URB2: variants seen among roughly 807,000 people sequenced by gnomAD.
URB2 encodes URB2 ribosome biogenesis homolog.
In URB2, 86 loss-of-function variants were observed where a neutral mutation model predicts 120.9. The ratio of observed to expected loss-of-function variants is 0.71; its 90% CI spans 0.60 to 0.85. The LOEUF is 0.85. Among genes scored for constraint, URB2 ranks in the 40% least tolerant of loss-of-function variants. The probability of loss-of-function intolerance (pLI) is 0.00; values close to 1 mark genes in which losing one functional copy is unlikely to be tolerated. For synonymous variants in URB2, 755 were observed against 758.4 expected, an observed-to-expected ratio of 1.00 and a Z score of 0.07; for missense variants, 1,765 against 1,836.5, an observed-to-expected ratio of 0.96 and a Z score of 0.71.
rs775325361 is a variant in URB2 at position 229,659,168 on chromosome 1, C to T, written c.4446C>T (p.Ile1482=). The T allele has an allele frequency of 3.7e-6, 6 of 1,613,178 alleles. No homozygotes were observed. Among genetic ancestry groups the T allele is most frequent in the East Asian group, 2.2e-5 (1 of 44,890 alleles). Residue 1482 remains isoleucine, a synonymous_variant, in exon 10 of 10, where the codon ATC becomes ATT. Coordinates refer to ENST00000258243, the MANE Select transcript of URB2 (RefSeq NM_014777.4). The part of the protein sequence containing the change: ...EGIYLILDLC[I]EPDVQFLRAS... The stretch of plus-strand genomic sequence containing the variant: ...TTTACCTCATCCTGGACCTCTGCAT[C>T]GAGCCTGACGTCCAGTTCCTGCGGG...
At chr1:229,649,365 T>C (rs892223535) in intron 7 of URB2, among the ~76,000 whole-genome samples, 4 of 152,228 alleles carry the variant, frequency 2.6e-5, no homozygotes, top group African/African-American at 9.6e-5. Context: ...TAGATTTGTA[T>C]GTAACTGTAC....
intron 7 of URB2, among the ~76,000 whole-genome samples, chr1:229,648,873 T>C (rs1268652179): frequency 1.3e-5 from 2 of 152,202 alleles, no homozygotes; most frequent in Non-Finnish European, 2.9e-5. Flanking sequence ...ACACCATAGA[T>C]CGTATAATAC....
chr1:229,630,982 CAAAAAAAAAAAAAAA>C (rs57940336), intron 2 of URB2, among the ~76,000 whole-genome samples: 1 of 65,108 alleles, frequency 1.5e-5, no homozygotes, highest in African/African-American at 6.1e-5. Flanking sequence ...AACTCCGTCT[CAAAAAAAAAAAAAAA>C]AAAAAAAAGA....
rs779751111 is a variant in URB2, at chr1:229,637,891, T to C, written c.3278T>C (p.Leu1093Pro). The C allele has an allele frequency of 6.2e-7, 1 of 1,602,058 alleles. No individual in the cohort carries two copies. The part of the protein sequence containing the change: ...ALSELLQQVV[L>P]QTGAVLQLCS... ...TCTGAGCTGCTGCAGCAGGTTGTGCTGCAGACAGGAGCTGTGCTGCAGCTC... is the reference window on the plus strand; with the variant it reads ...TCTGAGCTGCTGCAGCAGGTTGTGCCGCAGACAGGAGCTGTGCTGCAGCTC... The change falls in exon 4 of 10, where the codon CTG (leucine) becomes CCG (proline). Residue 1093 changes from leucine (L) to proline (P), a missense_variant. Physicochemically the swap from Leu to Pro is moderately conservative, Grantham distance 98 (BLOSUM62 -3). Coordinates refer to ENST00000258243, the MANE Select transcript of URB2 (RefSeq NM_014777.4).
chr1:229,645,826 C>G (rs1249226890), intron 5 of URB2, 33 bp from the exon 6 acceptor site: 1 of 1,584,926 alleles, frequency 6.3e-7, no homozygotes. Flanking sequence ...AACACGCTAT[C>G]TCTGCCGCTA....
At chr1:229,628,860 G>A (rs187310271) in intron 2 of URB2, among the ~76,000 whole-genome samples, 34 of 152,320 alleles carry the variant, frequency 2.2e-4, no homozygotes, top group Non-Finnish European at 3.5e-4. Flanking sequence ...CTTCCAAGAT[G>A]GATGACATAT....
chr1:229,628,959 C>T (rs1006482240), intron 2 of URB2, among the ~76,000 whole-genome samples: 11 of 152,224 alleles, frequency 7.2e-5, no homozygotes, highest in Admixed American at 3.3e-4. Flanking sequence ...ATCTTGGCAG[C>T]GTGGCCATCA....
intron 3 of URB2, among the ~76,000 whole-genome samples, chr1:229,633,967 GACT>G (rs1201236930): frequency 6.6e-6 from 1 of 151,942 alleles, no homozygotes; most frequent in Non-Finnish European, 1.5e-5. Flanking sequence ...GAGTAGCTGG[GACT>G]ACAGGTGTGC....
rs1242271844 is a variant in URB2, at chr1:229,635,677, C to G, written c.1064C>G (p.Thr355Arg). ...SKALSTSDWT[T>R]ELLVVEQLLN... is the part of the protein sequence containing the mutation. Reference sequence around the variant, plus strand: ...GCCCTGTCCACATCAGATTGGACCACAGAGCTTTTGGTTGTGGAACAGCTA... The same window carrying G: ...GCCCTGTCCACATCAGATTGGACCAGAGAGCTTTTGGTTGTGGAACAGCTA... Residue 355 changes from threonine (T) to arginine (R), a missense_variant, in exon 4 of 10, where the codon ACA becomes AGA. Coordinates refer to ENST00000258243, the MANE Select transcript of URB2 (RefSeq NM_014777.4). 2.5e-6 allele frequency: 4 copies of G among 1,614,066 alleles called. No individual in the cohort carries two copies. Among genetic ancestry groups the G allele is most frequent in the Non-Finnish European group, 3.4e-6 (4 of 1,180,046 alleles).
chr1:229,659,197 C>T lies in URB2; in HGVS notation c.4475C>T (p.Ser1492Leu), dbSNP rs143520079. ...CCTGACGTCCAGTTCCTGCGGGCCT[C>T]GCTGCAGCCGGGAATGAGAGACATC... ...IEPDVQFLRA[S>L]LQPGMRDIFK... Residue 1492 changes from serine (S) to leucine (L), a missense_variant, in exon 10 of 10, where the codon TCG (serine) becomes TTG (leucine). By Grantham distance (145) the Ser-to-Leu change is moderately radical. Transcript: ENST00000258243. 150 of 1,613,686 alleles carry T rather than the reference C, an allele frequency of 9.3e-5. No homozygotes were observed. The highest frequency in any genetic ancestry group is 1.2e-4 in the South Asian group (11 of 91,066).
chr1:229,643,974 A>G (rs888317380), intron 5 of URB2, among the ~76,000 whole-genome samples: 2 of 152,268 alleles, frequency 1.3e-5, no homozygotes, highest in Non-Finnish European at 2.9e-5. Flanking sequence ...AAACTGATCC[A>G]TAAAAAAGTT....
Position 229,638,056 on chromosome 1 carries a change from T to C in URB2, c.3443T>C (p.Leu1148Pro). The change falls in exon 4 of 10, where the codon CTC becomes CCC. Residue 1148 changes from leucine to proline, a missense_variant. Leu to Pro is a moderately conservative substitution (Grantham distance 98). Coordinates refer to ENST00000258243, the MANE Select transcript of URB2 (RefSeq NM_014777.4). Reference protein sequence around the residue: ...DISQGSDRTLLSHVALYQGVY... With the variant: ...DISQGSDRTLPSHVALYQGVY... Reference sequence around the variant, plus strand: ...TCCCAAGGAAGCGACAGGACGCTGCTCTCCCATGTTGCCCTCTACCAGGGT... The same window carrying C: ...TCCCAAGGAAGCGACAGGACGCTGCCCTCCCATGTTGCCCTCTACCAGGGT... 1 of 1,613,980 alleles carries C rather than the reference T, an allele frequency of 6.2e-7. No homozygotes were observed. The highest frequency in any genetic ancestry group is 8.5e-7 in the Non-Finnish European group (1 of 1,179,888).
Position 229,635,998 on chromosome 1 carries a change from A to G in URB2, c.1385A>G (p.Lys462Arg). The G allele has an allele frequency of 1.2e-6, 2 of 1,613,836 alleles. No homozygotes were observed. Among genetic ancestry groups the G allele is most frequent in the Non-Finnish European group, 1.7e-6 (2 of 1,179,736 alleles). Residue 462 changes from lysine (K) to arginine (R), a missense_variant, in exon 4 of 10, where the codon AAA becomes AGA. Physicochemically the swap from Lys to Arg is conservative, Grantham distance 26. Transcript: ENST00000258243. ...LIRTVFQTYAKLRQVPRLFEE... is the reference protein window; with the variant it reads ...LIRTVFQTYARLRQVPRLFEE... ...CGTACTGTCTTCCAGACTTATGCCA[A>G]ACTCCGACAAGTGCCACGGTTGTTT...
chr1:229,647,479 C>G, intron 6 of URB2, 31 bp from the exon 7 acceptor site: 2 of 1,599,324 alleles, frequency 1.3e-6, no homozygotes, highest in Non-Finnish European at 1.7e-6. Context: ...GAATTACTTT[C>G]ATTTTTCCTT....
Position 229,635,557 on chromosome 1 carries a change from A to T in URB2, c.944A>T (p.Tyr315Phe). 2.5e-6 allele frequency: 4 copies of T among 1,614,034 alleles called. No individual in the cohort carries two copies. Among genetic ancestry groups the T allele is most frequent in the South Asian group, 1.1e-5 (1 of 91,082 alleles). The change falls in exon 4 of 10, where the codon TAC (tyrosine) becomes TTC (phenylalanine). Residue 315 changes from tyrosine (Y) to phenylalanine (F), a missense_variant. Coordinates refer to ENST00000258243, the MANE Select transcript of URB2 (RefSeq NM_014777.4). ...CTGTATAAGCTCTTTCTAGATTCTT[A>T]CTTTAAGGAGGGAAACCAGCTTCTC... ...ALLYKLFLDS[Y>F]FKEGNQLLCF...
chr1:229,636,404 G>C lies in URB2; in HGVS notation c.1791G>C (p.Leu597=). The change falls in exon 4 of 10, where the codon CTG becomes CTC. Residue 597 remains leucine, a synonymous_variant. Coordinates refer to ENST00000258243, the MANE Select transcript of URB2 (RefSeq NM_014777.4). ...ACACCCCAGGCCCAGAGCCAGAGCTGTGGCTGCAGAAGGTCAGTGACTCTG... is the reference window on the plus strand; with the variant it reads ...ACACCCCAGGCCCAGAGCCAGAGCTCTGGCTGCAGAAGGTCAGTGACTCTG... ...LPDTPGPEPE[L]WLQKVSDSVL... 1 of 1,614,258 alleles carries C rather than the reference G, an allele frequency of 6.2e-7. No individual in the cohort carries two copies. Among genetic ancestry groups the C allele is most frequent in the South Asian group, 1.1e-5 (1 of 91,084 alleles).
In URB2 at chr1:229,659,323, T is replaced by G. The variant is rs1048306; in HGVS notation, c.*26T>G. On this transcript the variant is annotated 3_prime_UTR_variant, in exon 10 of 10. Transcript: ENST00000258243. ...GGCTATGGGACAGAAGTGCCGCCAG[T>G]GACACTGTCCAGAGGCTTTGGCTGC... 0.54 allele frequency: 861,471 copies of G among 1,608,842 alleles called. 235,103 individuals carry two copies. Among genetic ancestry groups the G allele is most frequent in the East Asian group, 0.89 (39,628 of 44,772 alleles).
At chr1:229,654,513 G>C in intron 9 of URB2, 125 bp downstream of exon 9, 1 of 1,413,136 alleles carries the variant, frequency 7.1e-7, no homozygotes, top group South Asian at 1.3e-5. Flanking sequence ...GCAAGTTTTA[G>C]ACAGGGTTTT....
chr1:229,640,128 A>T (rs1004431454), intron 4 of URB2, among the ~76,000 whole-genome samples: 1 of 152,252 alleles, frequency 6.6e-6, no homozygotes, highest in Non-Finnish European at 1.5e-5. Flanking sequence ...CATGCATTGT[A>T]TTATTGCATT....
Sources: gnomAD v4.1 joint callset for allele counts (sites outside exome capture counted in the v4.1 genomes callset) on GRCh38, gnomAD v4.1.1 for gene constraint, MANE v1.5 for transcripts, NCBI Gene and HGNC (gene_info 2026-07-23, HGNC 2026-07-21) for gene names.